CHRM5: variants seen among roughly 807,000 people sequenced by gnomAD.
CHRM5 encodes the protein cholinergic receptor muscarinic 5, also known as muscarinic acetylcholine receptor M5.
A neutral mutation model predicts 39.0 loss-of-function variants in CHRM5; 18 were observed. That is an observed-to-expected ratio of 0.46 (90% CI 0.32 to 0.68). The LOEUF (loss-of-function observed/expected upper bound fraction) is 0.68, where lower values mean the gene tolerates loss of function less well. CHRM5 is among the 30% of genes least tolerant of loss of function. The probability of loss-of-function intolerance (pLI) is 0.04; values close to 1 mark genes in which losing one functional copy is unlikely to be tolerated. For missense variants in CHRM5, 515 were observed against 651.1 expected, an observed-to-expected ratio of 0.79 and a Z score of 2.28; for synonymous variants, 241 against 246.3, an observed-to-expected ratio of 0.98 and a Z score of 0.20.
chr15:34,021,727 T>C (rs1446172767), intron 1 of CHRM5, among the ~76,000 whole-genome samples: 2 of 151,918 alleles, frequency 1.3e-5, no homozygotes, highest in Non-Finnish European at 2.9e-5. Flanking sequence ...TGGTGGCAGG[T>C]GCCTGTAATC....
chr15:33,990,223 C>CA (rs1278019856), intron 1 of CHRM5, among the ~76,000 whole-genome samples: 3 of 147,832 alleles, frequency 2.0e-5, no homozygotes, highest in East Asian at 4.0e-4. Context: ...CAAAACAAAA[C>CA]AAAAAAAACT....
At chr15:34,020,242 C>T (rs968149546) in intron 1 of CHRM5, among the ~76,000 whole-genome samples, 2 of 151,618 alleles carry the variant, frequency 1.3e-5, no homozygotes, top group South Asian at 2.1e-4. Flanking sequence ...ACCAGGGAGG[C>T]GGAGCTTGCA....
Position 34,065,510 on chromosome 15 carries a change from A to G in CHRM5, c.*1194A>G, listed in dbSNP as rs1439345067. 3 of 152,204 alleles carry G rather than the reference A, an allele frequency of 2.0e-5. No homozygotes were observed. Among genetic ancestry groups the G allele is most frequent in the Non-Finnish European group, 4.4e-5 (3 of 68,036 alleles). The allele number at this position is 152,204 out of a possible 1,614,324, so 9.4% of individuals were successfully genotyped here. On this transcript the variant is annotated 3_prime_UTR_variant, in exon 3 of 3. Transcript: ENST00000383263. The stretch of plus-strand genomic sequence containing the variant: ...TATAGGTCCTTCAAATCAGGGCCTA[A>G]AAATGACTTCTTTATTCCTCTCCAA...
intron 1 of CHRM5, among the ~76,000 whole-genome samples, chr15:34,008,947 C>T (rs570630409): frequency 4.0e-3 from 103 of 25,684 alleles, no homozygotes; most frequent in Middle Eastern, 0.038. Flanking sequence ...CTCACACGTG[C>T]GCGCGCGCAC....
intron 1 of CHRM5, among the ~76,000 whole-genome samples, chr15:34,010,936 T>G (rs1014835150): frequency 6.6e-6 from 1 of 152,228 alleles, no homozygotes; most frequent in Non-Finnish European, 1.5e-5. Context: ...CAACTTACAC[T>G]ACTTTTTTCA....
intron 2 of CHRM5, among the ~76,000 whole-genome samples, chr15:34,052,401 A>G (rs1899956253): frequency 6.6e-6 from 1 of 152,232 alleles, no homozygotes; most frequent in Admixed American, 6.5e-5. Context: ...TACCAAATGG[A>G]CAAAAGCTGG....
At chr15:34,007,296 GA>G (rs1294122541) in intron 1 of CHRM5, among the ~76,000 whole-genome samples, 1 of 152,058 alleles carries the variant, frequency 6.6e-6, no homozygotes, top group African/African-American at 2.4e-5. Flanking sequence ...ATGAAAAAAT[GA>G]AATAAAAAAA....
intron 1 of CHRM5, among the ~76,000 whole-genome samples, chr15:34,018,894 A>G (rs1215137251): frequency 5.5e-5 from 8 of 146,448 alleles, no homozygotes; most frequent in Admixed American, 5.5e-4. Context: ...CTAAACACAG[A>G]GTGCTGATTG....
intron 2 of CHRM5, among the ~76,000 whole-genome samples, chr15:34,052,217 C>T (rs1899947572): frequency 6.6e-6 from 1 of 151,994 alleles, no homozygotes; most frequent in African/African-American, 2.4e-5. Flanking sequence ...AAATGCACTT[C>T]ATCACATAAA....
In CHRM5 at chr15:34,064,145, G is replaced by C. The variant is rs767673178; in HGVS notation, c.1428G>C (p.Leu476=). The C allele has an allele frequency of 6.2e-7, 1 of 1,614,196 alleles. No homozygotes were observed. The highest frequency in any genetic ancestry group is 1.1e-5 in the South Asian group (1 of 91,080). ...GTGACAAGTGTGTCCCAGTCACCCT[G>C]TGGCACTTGGGCTATTGGTTGTGCT... ...TFCDKCVPVT[L]WHLGYWLCYV... The change falls in exon 3 of 3, where the codon CTG becomes CTC. Residue 476 remains leucine, a synonymous_variant. Transcript: ENST00000383263.
Position 34,003,033 on chromosome 15 carries a change from T to C in CHRM5, c.-408+33883T>C, listed in dbSNP as rs151243881. On this transcript the variant is annotated intron_variant, in intron 1 of 2. Transcript: ENST00000383263. ...TATGCATGCAACTGGAATTCATACC[T>C]GCAGAGCTAAGGAGGACACTGAAAT... 160 of 1,612,072 alleles carry C rather than the reference T, an allele frequency of 9.9e-5. 2 individuals carry two copies. In the African/African-American group the frequency reaches 1.7e-3, roughly 17 times the overall value.
At chr15:33,970,596 A>G (rs1250477278) in intron 1 of CHRM5, among the ~76,000 whole-genome samples, 1 of 151,940 alleles carries the variant, frequency 6.6e-6, no homozygotes, top group African/African-American at 2.4e-5. Flanking sequence ...ACAGTTTGTA[A>G]ACAGACATGA....
chr15:33,986,495 T>C (rs1014635154), intron 1 of CHRM5, among the ~76,000 whole-genome samples: 1 of 152,058 alleles, frequency 6.6e-6, no homozygotes, highest in Non-Finnish European at 1.5e-5. Flanking sequence ...AAAACCACAT[T>C]AATTATCTAC....
In CHRM5 at chr15:34,064,021, T is replaced by C; in HGVS notation, c.1304T>C (p.Val435Ala). The change falls in exon 3 of 3, where the codon GTC becomes GCC. Residue 435 changes from valine (V) to alanine (A), a missense_variant. Physicochemically the swap from Val to Ala is moderately conservative, Grantham distance 64. Transcript: ENST00000383263. Reference sequence around the variant, plus strand: ...ACCAAACGAAAGAGAGTGGTCCTAGTCAAAGAGAGGAAAGCAGCCCAGACA... The same window carrying C: ...ACCAAACGAAAGAGAGTGGTCCTAGCCAAAGAGAGGAAAGCAGCCCAGACA... Reference protein sequence around the residue: ...QMTKRKRVVLVKERKAAQTLS... With the variant: ...QMTKRKRVVLAKERKAAQTLS... 1 of 1,614,122 alleles carries C rather than the reference T, an allele frequency of 6.2e-7. No homozygotes were observed. Among genetic ancestry groups the C allele is most frequent in the Non-Finnish European group, 8.5e-7 (1 of 1,180,010 alleles).
intron 1 of CHRM5, among the ~76,000 whole-genome samples, chr15:34,008,877 G>A (rs1431162757): frequency 1.3e-5 from 2 of 151,636 alleles, no homozygotes; most frequent in African/African-American, 2.4e-5. Flanking sequence ...AAAGCTAAAA[G>A]CCAAAAACAA....
rs549576996 is a variant in CHRM5, at chr15:34,046,103, T to G, written c.-407-437T>G. ...TCCCAGATAACCACTTATATTTCAT[T>G]TGCCTCTGCAACTTTCCTCAAAAAT... is the stretch of plus-strand genomic sequence containing the variant. On this transcript the variant is annotated intron_variant, in intron 1 of 2. Transcript: ENST00000383263. 1.1e-4 allele frequency among the ~76,000 whole-genome samples: 16 copies of G among 152,318 alleles called. No homozygotes were observed. In the East Asian group the frequency reaches 2.7e-3, roughly 26 times the overall value.
rs1567447633 is a variant in CHRM5 at position 33,983,186 on chromosome 15, GTGTGTATGTGTGTGTATATATATA to G, written c.-408+14038_-408+14061del. 1.2e-4 allele frequency among the ~76,000 whole-genome samples: 9 copies of G among 74,474 alleles called. No homozygotes were observed. The East Asian group carries it at 6.5e-3, about 54-fold the overall frequency. 48.9% of individuals were successfully genotyped at this position (74,474 alleles called of 152,430 possible). On this transcript the variant is annotated intron_variant, in intron 1 of 2. Coordinates refer to ENST00000383263, the MANE Select transcript of CHRM5 (RefSeq NM_012125.4). ...TGTGTGTGTGTATATATACACACGTGTGTGTATGTGTGTGTATATATATATATACATATATATACACACACATAC... is the reference window on the plus strand; with the variant it reads ...TGTGTGTGTGTATATATACACACGTGTATACATATATATACACACACATAC...
At chr15:34,036,244 C>G (rs1200033282) in intron 1 of CHRM5, among the ~76,000 whole-genome samples, 1 of 152,134 alleles carries the variant, frequency 6.6e-6, no homozygotes, top group African/African-American at 2.4e-5. Context: ...GAGCAAGAGA[C>G]TAAGAGATGT....
intron 1 of CHRM5, among the ~76,000 whole-genome samples, chr15:34,028,322 T>C (rs939255567): frequency 6.6e-6 from 1 of 152,302 alleles, no homozygotes. Flanking sequence ...CCCAGCACTT[T>C]GGGAAGCCAA....
Sources: gnomAD v4.1 joint callset for allele counts (sites outside exome capture counted in the v4.1 genomes callset) on GRCh38, gnomAD v4.1.1 for gene constraint, MANE v1.5 for transcripts, NCBI Gene and HGNC (gene_info 2026-07-23, HGNC 2026-07-21) for gene names.